The following ARHGAP21 variants were observed in gnomAD, a reference collection of about 807,000 sequenced individuals.
ARHGAP21 encodes Rho GTPase activating protein 21.
Under a neutral mutation model 164.6 loss-of-function variants are expected in ARHGAP21, and 38 were observed. That is an observed-to-expected ratio of 0.23 (90% confidence interval 0.18 to 0.30). The LOEUF (loss-of-function observed/expected upper bound fraction) is 0.30, where lower values mean the gene tolerates loss of function less well. Ranked by LOEUF, ARHGAP21 falls within the 10% of genes least tolerant of loss-of-function variation. The pLI is 1.00. For synonymous variants in ARHGAP21, 766 were observed against 857.9 expected (o/e 0.89, Z 1.87); for missense variants, 1,822 against 2,370.7 (o/e 0.77, Z 4.81).
At chr10:24,592,155 GAT>G (rs1036144441) in intron 21 of ARHGAP21, 143 bp from the exon 22 acceptor site, 29 of 295,894 alleles carry the variant, frequency 9.8e-5, no homozygotes, top group Non-Finnish European at 1.4e-4. Flanking sequence ...TTTCTAGCAA[GAT>G]TTTTTTTTTT....
chr10:24,609,881 TCA>T (rs1470559100), intron 9 of ARHGAP21, among the ~76,000 whole-genome samples: 1 of 152,234 alleles, frequency 6.6e-6, no homozygotes, highest in Non-Finnish European at 1.5e-5. Context: ...CATCATGCTG[TCA>T]CACTTTCAAA....
At chr10:24,682,726 T>C (rs1454045134) in intron 2 of ARHGAP21, among the ~76,000 whole-genome samples, 3 of 151,908 alleles carry the variant, frequency 2.0e-5, no homozygotes, top group Admixed American at 2.0e-4. Context: ...AGGTCGACAA[T>C]GGGAAATGCT....
At chr10:24,590,940 T>TAAAAAAAA (rs901265529) in intron 24 of ARHGAP21, 1 of 680,388 alleles carries the variant, frequency 1.5e-6, no homozygotes, top group Non-Finnish European at 1.8e-6. Flanking sequence ...AACTGTGAAT[T>TAAAAAAAA]AAAAAAAAAA....
chr10:24,719,127 A>C (rs1412156614), intron 2 of ARHGAP21, among the ~76,000 whole-genome samples: 2 of 151,518 alleles, frequency 1.3e-5, no homozygotes, highest in Admixed American at 1.3e-4. Context: ...ACACACACAC[A>C]CACCCCAAAA....
intron 4 of ARHGAP21, among the ~76,000 whole-genome samples, chr10:24,644,506 T>C (rs1837371709): frequency 6.6e-6 from 1 of 152,172 alleles, no homozygotes; most frequent in South Asian, 2.1e-4. Flanking sequence ...CACTTCTATC[T>C]GTCTTCCTCC....
intron 2 of ARHGAP21, among the ~76,000 whole-genome samples, chr10:24,672,364 G>T (rs190296477): frequency 6.6e-6 from 1 of 152,088 alleles, no homozygotes; most frequent in African/African-American, 2.4e-5. Context: ...ACTCACAGGC[G>T]ACTTTGTCTC....
chr10:24,692,264 G>C (rs1336156276), intron 2 of ARHGAP21, among the ~76,000 whole-genome samples: 1 of 152,182 alleles, frequency 6.6e-6, no homozygotes, highest in African/African-American at 2.4e-5. Flanking sequence ...CTAAGCTCAG[G>C]AAAGTGATCT....
At chr10:24,616,221 C>A (rs560716054) in intron 9 of ARHGAP21, among the ~76,000 whole-genome samples, 14 of 152,270 alleles carry the variant, frequency 9.2e-5, no homozygotes, top group East Asian at 3.9e-4. Flanking sequence ...TACATGATTT[C>A]TCTTTATAAA....
chr10:24,660,074 T>C (rs1184427552), intron 4 of ARHGAP21, among the ~76,000 whole-genome samples: 1 of 152,118 alleles, frequency 6.6e-6, no homozygotes, highest in African/African-American at 2.4e-5. Flanking sequence ...TCATCATCAT[T>C]ATTCTTCCTA....
intron 2 of ARHGAP21, among the ~76,000 whole-genome samples, chr10:24,712,663 A>G (rs1844949626): frequency 6.6e-6 from 1 of 152,200 alleles, no homozygotes; most frequent in Non-Finnish European, 1.5e-5. Context: ...GAATCCACGA[A>G]TGTGCAACCC....
At chr10:24,591,811 A>G in intron 22 of ARHGAP21, 76 bp downstream of exon 22, 1 of 1,593,302 alleles carries the variant, frequency 6.3e-7, no homozygotes, top group Non-Finnish European at 8.5e-7. Context: ...TGTCTGACCA[A>G]ATAGCGGCTG....
intron 4 of ARHGAP21, among the ~76,000 whole-genome samples, chr10:24,652,044 T>C (rs1838228108): frequency 2.0e-5 from 3 of 152,300 alleles, no homozygotes; most frequent in African/African-American, 7.2e-5. Context: ...AGACAGTAAA[T>C]ATTTTAGGCT....
At position 24,657,062 on chromosome 10, in the gene ARHGAP21, A is replaced by T. The variant is rs867102902; in HGVS notation, c.268+9923T>A. ...TGCCCGGCCAGCCGCCCCGTCCGGG[A>T]GGGAGGTGGGGGTGTCAGCCCCCCG... is the stretch of plus-strand genomic sequence containing the variant. On this transcript the variant is annotated intron_variant, in intron 4 of 25. Transcript: ENST00000396432. 1.6e-3 allele frequency among the ~76,000 whole-genome samples: 80 copies of T among 49,500 alleles called. 3 individuals are homozygous for T. The highest frequency in any genetic ancestry group is 2.7e-3 in the Admixed American group (17 of 6,306). 32.5% of individuals were successfully genotyped at this position (49,500 alleles called of 152,430 possible).
At chr10:24,654,236 T>C (rs1838541501) in intron 4 of ARHGAP21, among the ~76,000 whole-genome samples, 1 of 152,196 alleles carries the variant, frequency 6.6e-6, no homozygotes, top group South Asian at 2.1e-4. Context: ...ATGCCCTCTC[T>C]CACCACTCCT....
intron 4 of ARHGAP21, among the ~76,000 whole-genome samples, chr10:24,659,437 TTG>T (rs1422218651): frequency 3.3e-5 from 5 of 152,314 alleles, no homozygotes. Context: ...TGCCTCAGCC[TTG>T]CGAGTAGCTG....
intron 2 of ARHGAP21, among the ~76,000 whole-genome samples, chr10:24,688,121 T>A (rs906132837): frequency 3.3e-5 from 5 of 152,268 alleles, no homozygotes; most frequent in Non-Finnish European, 5.9e-5. Context: ...CCAGGTGGAG[T>A]GGCTCATGCC....
chr10:24,604,958 T>C (rs577287974), intron 11 of ARHGAP21, among the ~76,000 whole-genome samples: 2 of 152,350 alleles, frequency 1.3e-5, no homozygotes, highest in East Asian at 3.9e-4. Flanking sequence ...ATTTAACTTT[T>C]ATTAAGGGAC....
At chr10:24,710,209 G>A (rs1192253475) in intron 2 of ARHGAP21, among the ~76,000 whole-genome samples, 1 of 152,054 alleles carries the variant, frequency 6.6e-6, no homozygotes, top group Non-Finnish European at 1.5e-5. Flanking sequence ...AAATATTCTA[G>A]ATATACTATA....
intron 4 of ARHGAP21, among the ~76,000 whole-genome samples, chr10:24,661,983 C>T (rs546536356): frequency 5.3e-5 from 8 of 152,302 alleles, no homozygotes; most frequent in African/African-American, 1.9e-4. Flanking sequence ...ATGCCAACAG[C>T]AAACTCACAC....
Sources: allele counts gnomAD v4.1 joint callset (sites outside exome capture counted in the v4.1 genomes callset), GRCh38; gene constraint gnomAD v4.1.1; transcripts MANE v1.5; gene names NCBI Gene and HGNC (gene_info 2026-07-23, HGNC 2026-07-21).